The following ERBB4 variants were observed in gnomAD, a reference collection of about 807,000 sequenced individuals.
ERBB4 encodes receptor tyrosine-protein kinase erbB-4.
A neutral mutation model predicts 158.0 loss-of-function variants in ERBB4; 42 were observed. That is an observed-to-expected ratio of 0.27 (90% CI 0.21 to 0.34). ERBB4 has a LOEUF of 0.34. Ranked by LOEUF, ERBB4 falls within the 10% of genes least tolerant of loss-of-function variation. The pLI is 1.00. For synonymous variants in ERBB4, 583 were observed against 558.7 expected (o/e 1.04, Z -0.61); for missense variants, 1,333 against 1,624.1 (o/e 0.82, Z 3.08).
intron 1 of ERBB4, among the ~76,000 whole-genome samples, chr2:212,468,323 CA>C (rs953130225): frequency 1.8e-4 from 28 of 152,212 alleles, no homozygotes; most frequent in Admixed American, 1.0e-3. Flanking sequence ...TCTGTGTCCC[CA>C]CCCAAATCTC....
At chr2:212,344,917 A>C (rs2088908809) in intron 1 of ERBB4, among the ~76,000 whole-genome samples, 1 of 152,146 alleles carries the variant, frequency 6.6e-6, no homozygotes, top group Non-Finnish European at 1.5e-5. Context: ...TAATGGTAGT[A>C]CATCTCTCAT....
chr2:212,210,311 G>A (rs754448671), intron 1 of ERBB4, among the ~76,000 whole-genome samples: 1 of 150,692 alleles, frequency 6.6e-6, no homozygotes, highest in African/African-American at 2.4e-5. Flanking sequence ...AATAATAAAG[G>A]AGCTCTTCCA....
chr2:212,506,349 T>C (rs371191520), intron 1 of ERBB4, among the ~76,000 whole-genome samples: 1 of 130,632 alleles, frequency 7.7e-6, no homozygotes, highest in South Asian at 2.4e-4. Context: ...GTAAAAAGAA[T>C]TGCATGTCTC....
chr2:212,097,131 A>ATAT (rs2078955336), intron 2 of ERBB4, among the ~76,000 whole-genome samples: 1 of 152,168 alleles, frequency 6.6e-6, no homozygotes, highest in African/African-American at 2.4e-5. Flanking sequence ...TGAAAGATAA[A>ATAT]TGTTGTTCCC....
chr2:212,373,951 C>CCATATATATCCATAT lies in ERBB4; in HGVS notation c.82+164497_82+164498insATATGGATATATATG, dbSNP rs762810727. ...TATCCATATATATCCATATATATAT[C>CCATATATATCCATAT]ATATATATATCCATATATATCCATA... On this transcript the variant is annotated intron_variant, in intron 1 of 27. Coordinates refer to ENST00000342788, the MANE Select transcript of ERBB4 (RefSeq NM_005235.3). Among the ~76,000 whole-genome samples, 2 of 35,180 alleles carry CCATATATATCCATAT rather than the reference C, an allele frequency of 5.7e-5. 1 individual carries two copies. The highest frequency in any genetic ancestry group is 4.1e-4 in the African/African-American group (2 of 4,830). 23.1% of individuals were successfully genotyped at this position (35,180 alleles called of 152,430 possible).
At chr2:211,888,713 A>G (rs2078874674) in intron 3 of ERBB4, among the ~76,000 whole-genome samples, 1 of 152,092 alleles carries the variant, frequency 6.6e-6, no homozygotes, top group African/African-American at 2.4e-5. Flanking sequence ...GAGCCGAAGC[A>G]GGGCGAGGCA....
chr2:212,278,741 T>G (rs1367915375), intron 1 of ERBB4, among the ~76,000 whole-genome samples: 1 of 151,652 alleles, frequency 6.6e-6, no homozygotes, highest in Non-Finnish European at 1.5e-5. Flanking sequence ...AAAGCAATCT[T>G]CACTTTAAAA....
chr2:212,214,319 A>C (rs1244255228), intron 1 of ERBB4, among the ~76,000 whole-genome samples: 2 of 151,728 alleles, frequency 1.3e-5, no homozygotes, highest in Admixed American at 1.3e-4. Flanking sequence ...GAGAAACTGA[A>C]TTTTTACTTT....
At chr2:211,490,573 C>A (rs1214088525) in intron 20 of ERBB4, among the ~76,000 whole-genome samples, 2 of 151,870 alleles carry the variant, frequency 1.3e-5, no homozygotes, top group African/African-American at 4.8e-5. Context: ...CATGAGCGAC[C>A]TAGAGAGAGA....
rs148553605 is a variant in ERBB4, at chr2:211,535,388, A to G, written c.2487+26515T>C. 2.2e-3 allele frequency among the ~76,000 whole-genome samples: 333 copies of G among 152,164 alleles called. 1 individual carries two copies. Among genetic ancestry groups the G allele is most frequent in the Non-Finnish European group, 3.7e-3 (254 of 68,016 alleles). On this transcript the variant is annotated intron_variant, in intron 20 of 27. Coordinates refer to ENST00000342788, the MANE Select transcript of ERBB4 (RefSeq NM_005235.3). ...TACCAACATTAATGTTTACGGATGTATATTAAAATATACTCTGGGCTTGGA... is the reference window on the plus strand; with the variant it reads ...TACCAACATTAATGTTTACGGATGTGTATTAAAATATACTCTGGGCTTGGA...
At chr2:212,256,899 C>T (rs1015048779) in intron 1 of ERBB4, among the ~76,000 whole-genome samples, 1 of 152,082 alleles carries the variant, frequency 6.6e-6, no homozygotes, top group Non-Finnish European at 1.5e-5. Flanking sequence ...TTAGAACCAG[C>T]GTTTGTGTTA....
chr2:212,342,765 T>G (rs966861155), intron 1 of ERBB4, among the ~76,000 whole-genome samples: 1 of 152,222 alleles, frequency 6.6e-6, no homozygotes, highest in Admixed American at 6.5e-5. Flanking sequence ...CTTTAATAAA[T>G]CATGAATCAA....
intron 1 of ERBB4, among the ~76,000 whole-genome samples, chr2:212,521,452 T>C (rs768752151): frequency 8.6e-5 from 13 of 151,886 alleles, no homozygotes; most frequent in South Asian, 6.2e-4. Context: ...TTTATATTCA[T>C]AGGACACACA....
chr2:211,767,813 G>A (rs544315524), intron 4 of ERBB4, among the ~76,000 whole-genome samples: 101 of 152,194 alleles, frequency 6.6e-4, no homozygotes, highest in African/African-American at 2.4e-3. Context: ...AATTCAAGAC[G>A]AGATTTGGGT....
At chr2:212,498,034 A>G (rs964407775) in intron 1 of ERBB4, among the ~76,000 whole-genome samples, 1 of 152,054 alleles carries the variant, frequency 6.6e-6, no homozygotes, top group Non-Finnish European at 1.5e-5. Context: ...CTTCCCTAAT[A>G]TATTTTATTT....
At chr2:211,421,614 A>G (rs1476302819) in intron 24 of ERBB4, among the ~76,000 whole-genome samples, 1 of 151,868 alleles carries the variant, frequency 6.6e-6, no homozygotes, top group Non-Finnish European at 1.5e-5. Context: ...CTTTTGATTC[A>G]CTGTCTTCAA....
At chr2:212,345,505 C>T (rs1505357) in intron 1 of ERBB4, among the ~76,000 whole-genome samples, 81,157 of 151,560 alleles carry the variant, frequency 0.54, 22,250 homozygotes, top group East Asian at 0.79. Flanking sequence ...TTAATTTGGG[C>T]AAAGCTTTAA....
At chr2:212,187,832 A>G (rs2082060593) in intron 1 of ERBB4, among the ~76,000 whole-genome samples, 2 of 152,242 alleles carry the variant, frequency 1.3e-5, no homozygotes, top group Middle Eastern at 3.4e-3. Flanking sequence ...TCAAAGTGAA[A>G]TATTAGAAGT....
intron 16 of ERBB4, chr2:211,657,523 A>AT: frequency 2.0e-6 from 1 of 492,044 alleles, no homozygotes; most frequent in East Asian, 3.7e-5. Context: ...AAAAAAAAAA[A>AT]GAAATCGATG....
Sources: gnomAD v4.1 joint callset for allele counts (sites outside exome capture counted in the v4.1 genomes callset) on GRCh38, gnomAD v4.1.1 for gene constraint, MANE v1.5 for transcripts, NCBI Gene and HGNC (gene_info 2026-07-23, HGNC 2026-07-21) for gene names.